SEMA6D: variants seen among roughly 807,000 people sequenced by gnomAD.
SEMA6D encodes semaphorin-6D.
A neutral mutation model predicts 106.6 loss-of-function variants in SEMA6D; 35 were observed. The observed-to-expected ratio is 0.33, with a 90% CI of 0.25 to 0.44. The LOEUF (loss-of-function observed/expected upper bound fraction) is 0.44, where lower values mean the gene tolerates loss of function less well. Among genes scored for constraint, SEMA6D ranks in the 20% least tolerant of loss-of-function variants. The pLI is 1.00. For missense variants in SEMA6D, 1,185 were observed against 1,345.9 expected, an observed-to-expected ratio of 0.88 and a Z score of 1.87; for synonymous variants, 499 against 487.7, an observed-to-expected ratio of 1.02 and a Z score of -0.31.
chr15:47,354,867 A>G (rs1235853826), intron 1 of SEMA6D, among the ~76,000 whole-genome samples: 1 of 152,186 alleles, frequency 6.6e-6, no homozygotes, highest in East Asian at 1.9e-4. Context: ...TAACAGCCTT[A>G]AGCTGCCTTA....
chr15:47,748,965 G>T (rs548949327), intron 1 of SEMA6D, among the ~76,000 whole-genome samples: 1 of 152,056 alleles, frequency 6.6e-6, no homozygotes, highest in Non-Finnish European at 1.5e-5. Context: ...TCAAAGGAGA[G>T]GATGATGGAG....
intron 1 of SEMA6D, among the ~76,000 whole-genome samples, chr15:47,201,237 A>C (rs1467053435): frequency 6.6e-6 from 1 of 152,210 alleles, no homozygotes; most frequent in African/African-American, 2.4e-5. Context: ...ACACTCTACA[A>C]AGGGAATTTC....
chr15:47,272,301 G>A (rs2034592811), intron 1 of SEMA6D, among the ~76,000 whole-genome samples: 1 of 152,134 alleles, frequency 6.6e-6, no homozygotes, highest in Middle Eastern at 3.2e-3. Context: ...TAGGGGAGAA[G>A]TCAATTAAAT....
chr15:47,536,295 G>T (rs768381803), intron 3 of SEMA6D, among the ~76,000 whole-genome samples: 3 of 152,152 alleles, frequency 2.0e-5, no homozygotes, highest in Non-Finnish European at 4.4e-5. Context: ...TGGATTTGAG[G>T]AGTATAGAAA....
Position 47,424,259 on chromosome 15 carries a change from C to T in SEMA6D, c.-159+11787C>T, listed in dbSNP as rs114106990. ...AATACCTCTAATTCCTGCTGGTAAT[C>T]GAAAATAGATGTCTAACATGGAAAT... On this transcript the variant is annotated intron_variant, in intron 2 of 19. Transcript: ENST00000558014. Among the ~76,000 whole-genome samples, 1,040 of 150,362 alleles carry T rather than the reference C, an allele frequency of 6.9e-3. 11 individuals are homozygous for T. Among genetic ancestry groups the T allele is most frequent in the African/African-American group, 0.024 (994 of 40,884 alleles).
intron 2 of SEMA6D, among the ~76,000 whole-genome samples, chr15:47,432,161 G>A (rs1191727616): frequency 6.6e-6 from 1 of 152,032 alleles, no homozygotes; most frequent in Non-Finnish European, 1.5e-5. Flanking sequence ...AGCAACTTCA[G>A]ACCTGTTAAT....
chr15:47,667,260 TCAA>T (rs1566972107), intron 4 of SEMA6D, among the ~76,000 whole-genome samples: 1 of 152,340 alleles, frequency 6.6e-6, no homozygotes, highest in East Asian at 1.9e-4. Flanking sequence ...ATCACCATCA[TCAA>T]CAAGTTTTGA....
chr15:47,490,215 A>G (rs1017189726), intron 3 of SEMA6D, among the ~76,000 whole-genome samples: 1 of 152,152 alleles, frequency 6.6e-6, no homozygotes, highest in Non-Finnish European at 1.5e-5. Context: ...CATCTCCAGG[A>G]CCTGGAGTAA....
At chr15:47,710,926 T>C (rs1401932562) in intron 4 of SEMA6D, among the ~76,000 whole-genome samples, 1 of 152,188 alleles carries the variant, frequency 6.6e-6, no homozygotes, top group Non-Finnish European at 1.5e-5. Context: ...CCAAGGAACA[T>C]ACCCTAGCAA....
At chr15:47,289,736 A>G (rs1422564930) in intron 1 of SEMA6D, among the ~76,000 whole-genome samples, 2 of 152,106 alleles carry the variant, frequency 1.3e-5, no homozygotes, top group Non-Finnish European at 2.9e-5. Flanking sequence ...AAAGAAAAAA[A>G]TCACAGAGGT....
intron 1 of SEMA6D, among the ~76,000 whole-genome samples, chr15:47,313,902 C>T (rs1256765891): frequency 6.6e-6 from 1 of 152,184 alleles, no homozygotes; most frequent in Non-Finnish European, 1.5e-5. Context: ...CTATAAACAT[C>T]CTTGTTCAGG....
chr15:47,764,802 G>T lies in SEMA6D; in HGVS notation c.1253+9G>T. 6.2e-7 allele frequency: 1 copy of T among 1,613,840 alleles called. No homozygotes were observed. Among genetic ancestry groups the T allele is most frequent in the Non-Finnish European group, 8.5e-7 (1 of 1,179,848 alleles). On this transcript the variant is annotated intron_variant, in intron 12 of 18. Coordinates refer to ENST00000536845, the MANE Select transcript of SEMA6D (RefSeq NM_001358351.3). ...ACAAAGACTCGGGTCAGGTGAGATT[G>T]TGTGTGAAACACTCCTTCCTATTCA...
At position 47,558,551 on chromosome 15, in the gene SEMA6D, C is replaced by T. The variant is rs1057509304; in HGVS notation, c.-86-42314C>T. Among the ~76,000 whole-genome samples the T allele has an allele frequency of 2.0e-5, 3 of 151,824 alleles. No individual in the cohort carries two copies. In the East Asian group the frequency reaches 5.8e-4, roughly 30 times the overall value. ...TGAATTAGACAAGCAGAGACTTGCACAGGGTGAAGAGGAATGTAAAACATC... is the reference window on the plus strand; with the variant it reads ...TGAATTAGACAAGCAGAGACTTGCATAGGGTGAAGAGGAATGTAAAACATC... On this transcript the variant is annotated intron_variant, in intron 3 of 19. Transcript: ENST00000558014.
intron 4 of SEMA6D, among the ~76,000 whole-genome samples, chr15:47,662,664 A>G (rs1201859295): frequency 2.0e-5 from 3 of 152,178 alleles, no homozygotes; most frequent in Admixed American, 6.5e-5. Context: ...TTCTAAACTT[A>G]TACTTTAAAG....
At chr15:47,602,806 G>A (rs1006714677) in intron 4 of SEMA6D, among the ~76,000 whole-genome samples, 19 of 152,272 alleles carry the variant, frequency 1.2e-4, no homozygotes, top group African/African-American at 4.6e-4. Context: ...GATGGAAGAA[G>A]TTGGCTCAAG....
intron 1 of SEMA6D, chr15:47,730,383 T>A: frequency 1.4e-6 from 2 of 1,447,442 alleles, no homozygotes; most frequent in Non-Finnish European, 1.9e-6. Context: ...AGTCTTGCCT[T>A]CCCCTTGATA....
At chr15:47,441,476 G>T (rs566324952) in intron 2 of SEMA6D, among the ~76,000 whole-genome samples, 1 of 152,224 alleles carries the variant, frequency 6.6e-6, no homozygotes, top group South Asian at 2.1e-4. Context: ...GTTTATGACT[G>T]TAAAAGAATG....
chr15:47,426,878 A>T (rs1402206398), intron 2 of SEMA6D, among the ~76,000 whole-genome samples: 1 of 152,154 alleles, frequency 6.6e-6, no homozygotes, highest in Non-Finnish European at 1.5e-5. Context: ...TGTCTGCCAG[A>T]TGCAAGTCAT....
At chr15:47,396,063 T>C (rs2040203740) in intron 1 of SEMA6D, among the ~76,000 whole-genome samples, 1 of 152,096 alleles carries the variant, frequency 6.6e-6, no homozygotes, top group South Asian at 2.1e-4. Context: ...CAGAGCTTTT[T>C]TTGTCTCCCA....
Sources: allele counts gnomAD v4.1 joint callset (sites outside exome capture counted in the v4.1 genomes callset), GRCh38; gene constraint gnomAD v4.1.1; transcripts MANE v1.5; gene names NCBI Gene and HGNC (gene_info 2026-07-23, HGNC 2026-07-21).